The following ANKS6 variants were observed in gnomAD, a reference collection of about 807,000 sequenced individuals.
ANKS6 encodes the protein ankyrin repeat and sterile alpha motif domain containing 6.
Under a neutral mutation model 77.9 loss-of-function variants are expected in ANKS6, and 47 were observed. That is an observed-to-expected ratio of 0.60 (90% CI 0.48 to 0.77). The LOEUF is 0.77. ANKS6 is among the 30% of genes least tolerant of loss of function. ANKS6 has a pLI of 0.00. For missense variants in ANKS6, 1,150 were observed against 1,159.1 expected, an observed-to-expected ratio of 0.99 and a Z score of 0.11; for synonymous variants, 488 against 501.7, an observed-to-expected ratio of 0.97 and a Z score of 0.37.
chr9:98,770,288 T>C (rs1271414171), intron 10 of ANKS6, among the ~76,000 whole-genome samples: 2 of 152,172 alleles, frequency 1.3e-5, no homozygotes, highest in Non-Finnish European at 2.9e-5. Context: ...GCCTGTGGAA[T>C]TGTGAGTCCA....
chr9:98,768,395 G>A (rs1833424823), intron 10 of ANKS6, 145 bp from the exon 11 acceptor site: 5 of 958,202 alleles, frequency 5.2e-6, no homozygotes, highest in African/African-American at 3.2e-5. Context: ...ACTGACCACA[G>A]GAGAATTCTG....
chr9:98,786,567 G>A (rs904313950), intron 2 of ANKS6, among the ~76,000 whole-genome samples: 2 of 152,166 alleles, frequency 1.3e-5, no homozygotes, highest in African/African-American at 4.8e-5. Context: ...TGGGATTACA[G>A]GCGTGAGCCA....
intron 3 of ANKS6, 122 bp downstream of exon 3, chr9:98,784,710 A>G: frequency 2.1e-6 from 2 of 931,162 alleles, no homozygotes; most frequent in Non-Finnish European, 3.3e-6. Context: ...AACACCAAAC[A>G]CCAAAATGCC....
intron 2 of ANKS6, 157 bp downstream of exon 2, chr9:98,789,946 TC>T: frequency 4.5e-6 from 5 of 1,120,908 alleles, no homozygotes; most frequent in South Asian, 4.3e-5. Flanking sequence ...TCACAGGCAA[TC>T]CCCCCGATAC....
At chr9:98,770,655 A>T (rs1374995806) in intron 10 of ANKS6, among the ~76,000 whole-genome samples, 2 of 152,160 alleles carry the variant, frequency 1.3e-5, no homozygotes, top group Non-Finnish European at 2.9e-5. Context: ...AAAATTTTAC[A>T]AGAAAAAAAA....
At chr9:98,748,342 G>C (rs964351112) in intron 13 of ANKS6, among the ~76,000 whole-genome samples, 3 of 152,288 alleles carry the variant, frequency 2.0e-5, no homozygotes, top group Admixed American at 2.0e-4. Flanking sequence ...TACTTGTGAA[G>C]GGGTAGCAGG....
Position 98,736,416 on chromosome 9 carries a change from T to C in ANKS6, c.*103A>G, listed in dbSNP as rs188746666. The stretch of plus-strand genomic sequence containing the variant: ...GGCATCCCGAGCAAAGGGAACAACA[T>C]GACTAAGGCACAGCAGTGTGACGGG... On this transcript the variant is annotated 3_prime_UTR_variant, in exon 15 of 15. Coordinates refer to ENST00000353234, the MANE Select transcript of ANKS6 (RefSeq NM_173551.5). 9.0e-6 allele frequency: 13 copies of C among 1,449,340 alleles called. No homozygotes were observed. The highest frequency in any genetic ancestry group is 1.4e-5 in the African/African-American group (1 of 69,868). The allele number at this position is 1,449,340 out of a possible 1,614,324, so 89.8% of individuals were successfully genotyped here.
Position 98,745,416 on chromosome 9 carries a change from G to A in ANKS6, c.2511+143C>T, listed in dbSNP as rs985166251. ...GGGAGAAACCTTACGGGGGAAGTCC[G>A]AAAAGGGAAAAGGCCATGCTGGGAG... On this transcript the variant is annotated intron_variant, in intron 14 of 14. Coordinates refer to ENST00000353234, the MANE Select transcript of ANKS6 (RefSeq NM_173551.5). 4.1e-5 allele frequency: 32 copies of A among 776,950 alleles called. No homozygotes were observed. The Admixed American group carries it at 5.3e-4, about 13-fold the overall frequency. 48.1% of individuals were successfully genotyped at this position (776,950 alleles called of 1,614,324 possible).
At position 98,796,496 on chromosome 9, in the gene ANKS6, G is replaced by A. The variant is rs1419191520; in HGVS notation, c.-5C>T. On this transcript the variant is annotated 5_prime_UTR_variant, in exon 1 of 15. Coordinates refer to ENST00000353234, the MANE Select transcript of ANKS6 (RefSeq NM_173551.5). ...GGGCAGCCCGCCCTCGCCCATCGCC[G>A]CCGCCACGCGCGGCCCGCTCCCGTC... 3 of 988,236 alleles carry A rather than the reference G, an allele frequency of 3.0e-6. No homozygotes were observed. Among genetic ancestry groups the A allele is most frequent in the Non-Finnish European group, 2.4e-6 (2 of 833,394 alleles). 61.2% of individuals were successfully genotyped at this position (988,236 alleles called of 1,614,324 possible).
At chr9:98,743,576 C>A (rs1354010755) in intron 14 of ANKS6, among the ~76,000 whole-genome samples, 1 of 152,190 alleles carries the variant, frequency 6.6e-6, no homozygotes, top group East Asian at 1.9e-4. Context: ...GTCTTTTCAG[C>A]CCCGATTCTA....
At chr9:98,778,576 AC>A in intron 6 of ANKS6, 152 bp from the exon 7 acceptor site, 1 of 707,350 alleles carries the variant, frequency 1.4e-6, no homozygotes, top group Non-Finnish European at 2.3e-6. Context: ...CAATGATAGC[AC>A]CCATTCCCAA....
At chr9:98,737,488 AAAT>A (rs1831564278) in intron 14 of ANKS6, among the ~76,000 whole-genome samples, 1 of 149,104 alleles carries the variant, frequency 6.7e-6, no homozygotes, top group Admixed American at 6.6e-5. Flanking sequence ...AGCTGCAAAA[AAAT>A]AAAAAAAAAA....
In ANKS6 at chr9:98,733,705, C is replaced by T. The variant is rs1156795475; in HGVS notation, c.*2814G>A. On this transcript the variant is annotated 3_prime_UTR_variant, in exon 15 of 15. Transcript: ENST00000353234. ...TGAGTTTCTTGGCCCTGTGAAGAGG[C>T]CTGACCCATGCTGGCATGCTGAAGG... 1.0e-6 allele frequency: 1 copy of T among 985,440 alleles called. No individual in the cohort carries two copies. Among genetic ancestry groups the T allele is most frequent in the South Asian group, 4.7e-5 (1 of 21,288 alleles). 61.0% of individuals were successfully genotyped at this position (985,440 alleles called of 1,614,324 possible).
intron 8 of ANKS6, among the ~76,000 whole-genome samples, chr9:98,775,384 C>G (rs1388584023): frequency 6.6e-6 from 1 of 152,108 alleles, no homozygotes; most frequent in Non-Finnish European, 1.5e-5. Context: ...ACAGTTCAGT[C>G]TTGGATAAAG....
At chr9:98,788,565 T>C (rs536667687) in intron 2 of ANKS6, among the ~76,000 whole-genome samples, 4 of 152,166 alleles carry the variant, frequency 2.6e-5, no homozygotes, top group African/African-American at 9.7e-5. Flanking sequence ...GGCCCTAATT[T>C]CTAATAGCAA....
chr9:98,790,908 C>A (rs1834872766), intron 1 of ANKS6, among the ~76,000 whole-genome samples: 1 of 152,242 alleles, frequency 6.6e-6, no homozygotes, highest in Non-Finnish European at 1.5e-5. Context: ...ACTGTACCTA[C>A]TTCAAGGGTT....
At position 98,735,359 on chromosome 9, in the gene ANKS6, CAT is replaced by C. The variant is rs1831441468; in HGVS notation, c.*1158_*1159del. On this transcript the variant is annotated 3_prime_UTR_variant, in exon 15 of 15. Transcript: ENST00000353234. ...TGCACACTTGGCACCTGGTAGCTAA[CAT>C]AAATGCAACAAGCACTGGCTGAATG... is the stretch of plus-strand genomic sequence containing the variant. The C allele has an allele frequency of 1.9e-6, 2 of 1,058,876 alleles. No homozygotes were observed. The highest frequency in any genetic ancestry group is 2.3e-6 in the Non-Finnish European group (2 of 878,958). 65.6% of individuals were successfully genotyped at this position (1,058,876 alleles called of 1,614,324 possible).
At position 98,756,483 on chromosome 9, in the gene ANKS6, A is replaced by G; in HGVS notation, c.2263T>C (p.Ser755Pro). The change falls in exon 12 of 15, where the codon TCG (serine) becomes CCG (proline). Residue 755 changes from serine (S) to proline (P), a missense_variant. By Grantham distance (74) the Ser-to-Pro change is moderately conservative. Coordinates refer to ENST00000353234, the MANE Select transcript of ANKS6 (RefSeq NM_173551.5). ...GHTAESSVSS[S>P]SSHRQSKSSG... ...CTCTTGGACTGCCGATGGGATGACG[A>G]GGAAGACACTGAGGACTCTGCAGTG... 6.2e-7 allele frequency: 1 copy of G among 1,613,664 alleles called. No homozygotes were observed. The highest frequency in any genetic ancestry group is 8.5e-7 in the Non-Finnish European group (1 of 1,179,750).
chr9:98,732,399 TCCAGTGACAGCAAGA>T lies in ANKS6; in HGVS notation c.*4105_*4119del, dbSNP rs1831248915. 9.4e-6 allele frequency: 12 copies of T among 1,278,838 alleles called. No individual in the cohort carries two copies. The highest frequency in any genetic ancestry group is 4.7e-5 in the Admixed American group (2 of 42,780). The allele number at this position is 1,278,838 out of a possible 1,614,324, so 79.2% of individuals were successfully genotyped here. ...TCTTTCTGTCTGCCATGCCAGGAAA[TCCAGTGACAGCAAGA>T]CCCAGAGTCAGGCACATTTGGAGGG... On this transcript the variant is annotated 3_prime_UTR_variant, in exon 15 of 15. Transcript: ENST00000353234.
Sources: allele counts gnomAD v4.1 joint callset (sites outside exome capture counted in the v4.1 genomes callset), GRCh38; gene constraint gnomAD v4.1.1; transcripts MANE v1.5; gene names NCBI Gene and HGNC (gene_info 2026-07-23, HGNC 2026-07-21).